Variants in DNAJC11 observed in about 807,000 individuals in gnomAD.
The protein encoded by DNAJC11 is dnaJ homolog subfamily C member 11.
Under a neutral mutation model 78.6 loss-of-function variants are expected in DNAJC11, and 15 were observed. The ratio of observed to expected loss-of-function variants is 0.19; its 90% CI spans 0.13 to 0.29. The LOEUF is 0.29. DNAJC11 is among the 10% of genes least tolerant of loss of function. The probability of loss-of-function intolerance (pLI) is 1.00; values close to 1 mark genes in which losing one functional copy is unlikely to be tolerated. For synonymous variants in DNAJC11, 292 were observed against 272.1 expected, an observed-to-expected ratio of 1.07 and a Z score of -0.72; for missense variants, 547 against 709.6, an observed-to-expected ratio of 0.77 and a Z score of 2.60.
chr1:6,678,449 G>GTT lies in DNAJC11; in HGVS notation c.219_220dup (p.Thr74LysfsTer61). The GTT allele has an allele frequency of 6.2e-7, 1 of 1,613,692 alleles. No individual in the cohort carries two copies. The highest frequency in any genetic ancestry group is 1.1e-5 in the South Asian group (1 of 90,974). The stretch of plus-strand genomic sequence containing the variant: ...CCCATATATATCATAGATGGCCCTG[G>GTT]TTTGGGGGTCACTAAGCACTGCAAA... On this transcript the variant is annotated frameshift_variant, in exon 3 of 16. Coordinates refer to ENST00000377577, the MANE Select transcript of DNAJC11 (RefSeq NM_018198.4). LOFTEE classifies it high-confidence loss of function.
At chr1:6,672,799 G>A (rs1189191508) in intron 3 of DNAJC11, among the ~76,000 whole-genome samples, 3 of 152,182 alleles carry the variant, frequency 2.0e-5, no homozygotes, top group African/African-American at 7.2e-5. Context: ...TGGGAACACA[G>A]CATCCAAAGC....
At chr1:6,651,473 T>C in intron 7 of DNAJC11, 56 bp downstream of exon 7, 1 of 1,463,114 alleles carries the variant, frequency 6.8e-7, no homozygotes, top group South Asian at 1.2e-5. Flanking sequence ...CACACAGTTC[T>C]AGTCTCCTAA....
rs1642312597 is a variant in DNAJC11 at position 6,667,642 on chromosome 1, C to T, written c.378+67G>A. On this transcript the variant is annotated intron_variant, in intron 4 of 15. Transcript: ENST00000377577. ...ACAATCCACCAGCACCTCATTATTT[C>T]AGACCTGGCTTCTAGTTATGAGGCC... 5 of 1,325,362 alleles carry T rather than the reference C, an allele frequency of 3.8e-6. No individual in the cohort carries two copies. In the South Asian group the frequency reaches 6.0e-5, roughly 16 times the overall value. 82.1% of individuals were successfully genotyped at this position (1,325,362 alleles called of 1,614,324 possible).
At chr1:6,664,216 G>A (rs1642260712) in intron 4 of DNAJC11, among the ~76,000 whole-genome samples, 1 of 151,816 alleles carries the variant, frequency 6.6e-6, no homozygotes, top group Admixed American at 6.6e-5. Flanking sequence ...AAGGCTGCAA[G>A]AATGGTTCGA....
intron 6 of DNAJC11, among the ~76,000 whole-genome samples, chr1:6,652,614 A>AT (rs1210866421): frequency 6.6e-6 from 1 of 151,982 alleles, no homozygotes; most frequent in Non-Finnish European, 1.5e-5. Context: ...TAAGTTTTGT[A>AT]TTTTTAGTAG....
In DNAJC11 at chr1:6,667,793, T is replaced by C. The variant is rs1436368715; in HGVS notation, c.294A>G (p.Arg98=). 1.2e-6 allele frequency: 2 copies of C among 1,613,792 alleles called. No individual in the cohort carries two copies. The highest frequency in any genetic ancestry group is 2.2e-5 in the East Asian group (1 of 44,874). ...ACTCCTCTCGAATTTCAGCAGGGGT[T>C]CTCCTCCTTTCCACAACCTATGCAC... ...MEGWEVVERR[R]TPAEIREEFE... Residue 98 remains arginine (R), a synonymous_variant, in exon 4 of 16, where the codon AGA becomes AGG. Coordinates refer to ENST00000377577, the MANE Select transcript of DNAJC11 (RefSeq NM_018198.4).
At position 6,684,064 on chromosome 1, in the gene DNAJC11, G is replaced by A. The variant is rs56291000; in HGVS notation, c.73-3027C>T. Reference sequence around the variant, plus strand: ...AAGGGACTTATTTTTTTTCCCACACGGCCATTACAAATCATTTTCTTTTTT... The same window carrying A: ...AAGGGACTTATTTTTTTTCCCACACAGCCATTACAAATCATTTTCTTTTTT... On this transcript the variant is annotated intron_variant, in intron 1 of 15. Transcript: ENST00000377577. 5.8e-3 allele frequency among the ~76,000 whole-genome samples: 875 copies of A among 151,872 alleles called. 7 individuals are homozygous for A. The highest frequency in any genetic ancestry group is 9.7e-3 in the Non-Finnish European group (661 of 67,942).
intron 4 of DNAJC11, among the ~76,000 whole-genome samples, chr1:6,659,892 C>T (rs993566269): frequency 1.3e-5 from 2 of 151,802 alleles, no homozygotes; most frequent in Admixed American, 6.6e-5. Flanking sequence ...CCCGCCTCTA[C>T]TAAAAATACA....
chr1:6,645,124 C>A lies in DNAJC11; in HGVS notation c.897G>T (p.Leu299=), dbSNP rs148742690. 155 of 1,611,572 alleles carry A rather than the reference C, an allele frequency of 9.6e-5. No individual in the cohort carries two copies. Among genetic ancestry groups the A allele is most frequent in the Non-Finnish European group, 1.3e-4 (148 of 1,178,108 alleles). Residue 299 remains leucine, a splice_region_variant and synonymous_variant, in exon 9 of 16, where the codon CTG becomes CTT. Transcript: ENST00000377577. The surrounding 1 kb of genome is among the most constrained non-coding windows in gnomAD (Gnocchi z 4.1). ...TCAGTGCAAAGGAGTGAGGGATTCC[C>A]AGCTGGGGAGACAGAGGGTGCAAGG... ...KTSHFTVALQ[L]GIPHSFALIS...
chr1:6,643,226 T>C (rs992594211), intron 10 of DNAJC11, among the ~76,000 whole-genome samples: 1 of 151,694 alleles, frequency 6.6e-6, no homozygotes, highest in African/African-American at 2.4e-5. Flanking sequence ...TGGAGAGGCC[T>C]GACTGGAGCA....
At chr1:6,654,075 G>T in intron 4 of DNAJC11, 36 bp from the exon 5 acceptor site, 1 of 1,605,058 alleles carries the variant, frequency 6.2e-7, no homozygotes, top group Non-Finnish European at 8.5e-7. Context: ...CAGAACGGGT[G>T]GTATTTGTGG....
intron 3 of DNAJC11, among the ~76,000 whole-genome samples, chr1:6,678,156 T>G (rs752985173): frequency 6.6e-6 from 1 of 152,184 alleles, no homozygotes; most frequent in Non-Finnish European, 1.5e-5. Flanking sequence ...TCCGTTTTAC[T>G]TGACAGGTTA....
intron 1 of DNAJC11, among the ~76,000 whole-genome samples, 170 bp downstream of exon 1, chr1:6,701,559 C>T (rs1254220616): frequency 6.6e-6 from 1 of 152,040 alleles, no homozygotes; most frequent in Non-Finnish European, 1.5e-5. Context: ...AGGGTCTGGG[C>T]GGTGGGGACG....
chr1:6,657,871 T>G (rs1642154535), intron 4 of DNAJC11, among the ~76,000 whole-genome samples: 1 of 152,224 alleles, frequency 6.6e-6, no homozygotes, highest in South Asian at 2.1e-4. Context: ...GGTCTCGATC[T>G]CCTGACCTCG....
intron 11 of DNAJC11, among the ~76,000 whole-genome samples, chr1:6,639,538 G>A (rs1641841402): frequency 6.6e-6 from 1 of 151,944 alleles, no homozygotes; most frequent in African/African-American, 2.4e-5. Context: ...CACCATGTTG[G>A]CCAGACTGGT....
At chr1:6,642,525 G>A (rs1213199790) in intron 10 of DNAJC11, among the ~76,000 whole-genome samples, 1 of 152,088 alleles carries the variant, frequency 6.6e-6, no homozygotes, top group South Asian at 2.1e-4. Flanking sequence ...CAAGTAGAAG[G>A]CCAGAGCTCT....
intron 4 of DNAJC11, among the ~76,000 whole-genome samples, chr1:6,662,128 G>GTTTTTTTTTTTTTTT (rs1222028818): frequency 7.3e-6 from 1 of 137,840 alleles, no homozygotes. Context: ...ATTGTTTTTT[G>GTTTTTTTTTTTTTTT]TTTTTTGTTT....
chr1:6,641,234 A>G (rs1641870140), intron 10 of DNAJC11, among the ~76,000 whole-genome samples: 1 of 151,720 alleles, frequency 6.6e-6, no homozygotes, highest in Non-Finnish European at 1.5e-5. Flanking sequence ...TAAAATACAA[A>G]AATTAGCTGG....
intron 1 of DNAJC11, among the ~76,000 whole-genome samples, chr1:6,697,546 G>A (rs547419778): frequency 6.6e-6 from 1 of 152,250 alleles, no homozygotes; most frequent in East Asian, 1.9e-4. Context: ...GAGCTCAGGC[G>A]GTGATGCTTG....
Sources: allele counts gnomAD v4.1 joint callset (sites outside exome capture counted in the v4.1 genomes callset), GRCh38; gene constraint gnomAD v4.1.1; non-coding constraint Gnocchi (gnomAD v3.1); transcripts MANE v1.5; gene names NCBI Gene and HGNC (gene_info 2026-07-23, HGNC 2026-07-21).